Variants in GRAMD4 observed in about 807,000 individuals in gnomAD.
The protein encoded by GRAMD4 is GRAM domain containing 4.
Under a neutral mutation model 83.9 loss-of-function variants are expected in GRAMD4, and 25 were observed. The observed-to-expected ratio is 0.30, with a 90% CI of 0.22 to 0.42. GRAMD4 has a LOEUF of 0.42. Ranked by LOEUF, GRAMD4 falls within the 10% of genes least tolerant of loss-of-function variation. GRAMD4 has a pLI of 1.00. For synonymous variants in GRAMD4, 336 were observed against 320.9 expected (o/e 1.05, Z -0.50); for missense variants, 593 against 788.7 (o/e 0.75, Z 2.97).
At position 46,673,006 on chromosome 22, in the gene GRAMD4, G is replaced by A. The variant is rs756886228; in HGVS notation, c.1239+9G>A. 20 of 1,576,344 alleles carry A rather than the reference G, an allele frequency of 1.3e-5. No individual in the cohort carries two copies. In the Admixed American group the frequency reaches 1.6e-4, roughly 13 times the overall value. On this transcript the variant is annotated intron_variant, in intron 14 of 18. Coordinates refer to ENST00000406902, the MANE Select transcript of GRAMD4 (RefSeq NM_015124.5). ...CCGCAGTCTCACGCAGGGTGAGCCCGGCCCCCAGCTGCGGGGATGGGGGGA... is the reference window on the plus strand; with the variant it reads ...CCGCAGTCTCACGCAGGGTGAGCCCAGCCCCCAGCTGCGGGGATGGGGGGA...
At chr22:46,597,823 C>T (rs1160051897) in intron 1 of GRAMD4, among the ~76,000 whole-genome samples, 1 of 152,136 alleles carries the variant, frequency 6.6e-6, no homozygotes, top group Non-Finnish European at 1.5e-5. Context: ...AAAACAAGTA[C>T]AGTTTGATTT....
intron 16 of GRAMD4, among the ~76,000 whole-genome samples, chr22:46,675,178 A>ACTCAGAGCAGTGGCCGTGAGTGT: frequency 6.6e-6 from 1 of 150,794 alleles, no homozygotes; most frequent in Non-Finnish European, 1.5e-5. Context: ...TGAGTGTCTC[A>ACTCAGAGCAGTGGCCGTGAGTGT]CTCAGAGCAG....
rs988437416 is a variant in GRAMD4, at chr22:46,620,919, T to C, written c.-50+354T>C. Among the ~76,000 whole-genome samples the C allele has an allele frequency of 1.3e-5, 2 of 151,610 alleles. No individual in the cohort carries two copies. The highest frequency in any genetic ancestry group is 4.8e-5 in the African/African-American group (2 of 41,318). On this transcript the variant is annotated intron_variant, in intron 1 of 18. Coordinates refer to ENST00000406902, the MANE Select transcript of GRAMD4 (RefSeq NM_015124.5). This position sits in a 1 kb window ranked among gnomAD's most constrained non-coding sequence, Gnocchi z 4.7. ...CCGATCTGAGAGGGAGGGAGGCCCA[T>C]CCGAGAGGGAGGAGGCCGATCTGAG...
At chr22:46,673,924 G>A in intron 15 of GRAMD4, 110 bp downstream of exon 15, 1 of 1,208,962 alleles carries the variant, frequency 8.3e-7, no homozygotes, top group Admixed American at 1.8e-5. Context: ...GGCCAGAGGA[G>A]CCCTCAGGAT....
chr22:46,643,112 C>CCTGG (rs1226011538), intron 3 of GRAMD4, among the ~76,000 whole-genome samples: 1 of 151,400 alleles, frequency 6.6e-6, no homozygotes, highest in African/African-American at 2.4e-5. Flanking sequence ...TCCATCCATC[C>CCTGG]ATCCATCCAT....
intron 3 of GRAMD4, among the ~76,000 whole-genome samples, chr22:46,653,723 A>G (rs1039793630): frequency 5.9e-5 from 9 of 152,168 alleles, no homozygotes; most frequent in African/African-American, 1.9e-4. Flanking sequence ...TCTCTGACCT[A>G]TGGATGGAGA....
At chr22:46,629,332 G>T (rs539103386) in intron 2 of GRAMD4, among the ~76,000 whole-genome samples, 1 of 152,316 alleles carries the variant, frequency 6.6e-6, no homozygotes, top group African/African-American at 2.4e-5. Flanking sequence ...GATAATAAGT[G>T]AAACGTACGT....
At chr22:46,601,950 C>T (rs2081315778) in intron 1 of GRAMD4, among the ~76,000 whole-genome samples, 1 of 152,192 alleles carries the variant, frequency 6.6e-6, no homozygotes, top group South Asian at 2.1e-4. Flanking sequence ...CCATGCCAGC[C>T]CTTCTTGGGC....
intron 1 of GRAMD4, among the ~76,000 whole-genome samples, chr22:46,603,194 T>A (rs558163761): frequency 4.8e-4 from 66 of 136,476 alleles, no homozygotes; most frequent in African/African-American, 1.7e-3. Flanking sequence ...ATAACGTATC[T>A]TCTCTTGTTT....
chr22:46,678,777 GT>G lies in GRAMD4; in HGVS notation c.*1529del. ...GTGAGGGATCCGGCGGCATGGGCTG[GT>G]TTCACCCCCTTCACGAGGGGCCGCA... is the stretch of plus-strand genomic sequence containing the variant. On this transcript the variant is annotated 3_prime_UTR_variant, in exon 19 of 19. Coordinates refer to ENST00000406902, the MANE Select transcript of GRAMD4 (RefSeq NM_015124.5). 2.0e-6 allele frequency: 2 copies of G among 986,116 alleles called. No individual in the cohort carries two copies. Among genetic ancestry groups the G allele is most frequent in the Non-Finnish European group, 1.2e-6 (1 of 830,046 alleles). The allele number at this position is 986,116 out of a possible 1,614,324, so 61.1% of individuals were successfully genotyped here.
At position 46,620,960 on chromosome 22, in the gene GRAMD4, G is replaced by A. The variant is rs2081565412; in HGVS notation, c.-50+395G>A. ...CCGATCTGAGAGGGCCGCATGGCTC[G>A]GAGTTGCAGGGGCCCTGGGCTGCCA... On this transcript the variant is annotated intron_variant, in intron 1 of 18. Transcript: ENST00000406902. The surrounding 1 kb of genome is among the most constrained non-coding windows in gnomAD (Gnocchi z 4.7). Among the ~76,000 whole-genome samples, 1 of 152,150 alleles carries A rather than the reference G, an allele frequency of 6.6e-6. No individual in the cohort carries two copies. The highest frequency in any genetic ancestry group is 2.1e-4 in the South Asian group (1 of 4,828).
intron 9 of GRAMD4, among the ~76,000 whole-genome samples, chr22:46,666,562 G>A (rs933851446): frequency 7.9e-5 from 12 of 152,068 alleles, no homozygotes; most frequent in African/African-American, 1.9e-4. Flanking sequence ...TTGAAGGGCC[G>A]CCCTCTCCCA....
chr22:46,616,842 GTACGTTCCCC>G, upstream of GRAMD4, among the ~76,000 whole-genome samples: 1 of 47,120 alleles, frequency 2.1e-5, no homozygotes, highest in Admixed American at 1.9e-4. Flanking sequence ...TCCCCTGTGT[GTACGTTCCCC>G]TGTGTGTAGG....
chr22:46,645,274 C>G (rs890456985), intron 3 of GRAMD4, among the ~76,000 whole-genome samples: 19 of 152,084 alleles, frequency 1.2e-4, no homozygotes, highest in African/African-American at 4.6e-4. Flanking sequence ...ATTCTCACTC[C>G]CATCTCAGTC....
chr22:46,680,069 C>T (rs752218290), downstream of GRAMD4, among the ~76,000 whole-genome samples: 9 of 152,156 alleles, frequency 5.9e-5, no homozygotes, highest in Non-Finnish European at 1.2e-4. Context: ...GCGAGGGACG[C>T]GGCCTGCAGG....
intron 1 of GRAMD4, among the ~76,000 whole-genome samples, chr22:46,609,112 A>AAAAACAATAAAAC (rs532946965): frequency 6.6e-6 from 1 of 151,124 alleles, no homozygotes; most frequent in African/African-American, 2.4e-5. Context: ...CTAAAAAAAA[A>AAAAACAATAAAAC]AACAACAACA....
chr22:46,675,327 C>G (rs1263057851), intron 16 of GRAMD4, 141 bp from the exon 17 acceptor site: 1 of 703,304 alleles, frequency 1.4e-6, no homozygotes, highest in Non-Finnish European at 2.6e-6. Context: ...GTGAGTGTTT[C>G]ACCGGTTCTG....
chr22:46,583,492 G>A (rs1271732207), intron 1 of GRAMD4, among the ~76,000 whole-genome samples: 1 of 152,188 alleles, frequency 6.6e-6, no homozygotes, highest in African/African-American at 2.4e-5. Context: ...TAGCTGTCAT[G>A]TCTCTCTAAG....
chr22:46,586,228 C>T (rs2081148207), intron 1 of GRAMD4, among the ~76,000 whole-genome samples: 1 of 152,192 alleles, frequency 6.6e-6, no homozygotes, highest in South Asian at 2.1e-4. Flanking sequence ...GGGCCAGCCT[C>T]CTGCCTTCCT....
Sources: allele counts gnomAD v4.1 joint callset (sites outside exome capture counted in the v4.1 genomes callset), GRCh38; gene constraint gnomAD v4.1.1; non-coding constraint Gnocchi (gnomAD v3.1); transcripts MANE v1.5; gene names NCBI Gene and HGNC (gene_info 2026-07-23, HGNC 2026-07-21).